The following CLVS1 variants were observed in gnomAD, a reference collection of about 807,000 sequenced individuals.
The protein encoded by CLVS1 is clavesin-1.
CLVS1 carries 10 observed loss-of-function variants against 33.1 expected under a neutral mutation model. The ratio of observed to expected loss-of-function variants is 0.30; its 90% CI spans 0.19 to 0.51. The LOEUF is 0.51. Among genes scored for constraint, CLVS1 ranks in the 20% least tolerant of loss-of-function variants. The pLI is 0.97. For synonymous variants in CLVS1, 163 were observed against 166.1 expected (o/e 0.98, Z 0.14); for missense variants, 343 against 433.4 (o/e 0.79, Z 1.85).
chr8:61,147,143 G>A (rs1267959480), intron 2 of CLVS1, among the ~76,000 whole-genome samples: 2 of 152,200 alleles, frequency 1.3e-5, no homozygotes, highest in African/African-American at 2.4e-5. Context: ...AACAGACTGG[G>A]CATTGAAAGT....
intron 3 of CLVS1, among the ~76,000 whole-genome samples, chr8:61,437,959 C>A (rs1422124020): frequency 2.6e-5 from 4 of 152,118 alleles, no homozygotes; most frequent in Non-Finnish European, 4.4e-5. Flanking sequence ...ATCTGACAGG[C>A]CTGGATTCAA....
At chr8:61,417,737 A>G (rs1426363162) in intron 3 of CLVS1, among the ~76,000 whole-genome samples, 3 of 152,198 alleles carry the variant, frequency 2.0e-5, no homozygotes, top group Non-Finnish European at 4.4e-5. Context: ...AATAAGAGTC[A>G]CCCTTAACCT....
chr8:61,215,805 T>C (rs1808072311), intron 2 of CLVS1, among the ~76,000 whole-genome samples: 1 of 151,724 alleles, frequency 6.6e-6, no homozygotes, highest in Non-Finnish European at 1.5e-5. Flanking sequence ...TAATTGACAA[T>C]AGGAGAGCTT....
chr8:61,022,382 G>A, the CLVS1 span, among the ~76,000 whole-genome samples: 9 of 152,146 alleles, frequency 5.9e-5, no homozygotes, highest in Non-Finnish European at 1.3e-4. Flanking sequence ...TAGCATATTT[G>A]TATCGACAAG....
At chr8:61,116,540 T>C (rs528380948) in intron 1 of CLVS1, among the ~76,000 whole-genome samples, 2 of 152,360 alleles carry the variant, frequency 1.3e-5, no homozygotes, top group East Asian at 1.9e-4. Flanking sequence ...CTTGAATTGA[T>C]TTTTGTATAA....
At chr8:61,050,111 C>A in the CLVS1 span, among the ~76,000 whole-genome samples, 88 of 152,356 alleles carry the variant, frequency 5.8e-4, no homozygotes, top group African/African-American at 2.1e-3. Context: ...TTTAAGCACC[C>A]TTTTACAGCC....
At chr8:61,117,004 C>A (rs1805737558) in intron 1 of CLVS1, among the ~76,000 whole-genome samples, 1 of 141,342 alleles carries the variant, frequency 7.1e-6, no homozygotes, top group African/African-American at 2.7e-5. Context: ...TACCCATGAG[C>A]ATGGAATGTT....
intron 1 of CLVS1, among the ~76,000 whole-genome samples, chr8:61,068,804 C>T (rs188779149): frequency 5.3e-5 from 8 of 152,272 alleles, no homozygotes; most frequent in African/African-American, 1.7e-4. Flanking sequence ...ATCTGCTCCC[C>T]ACACACACAC....
intron 3 of CLVS1, among the ~76,000 whole-genome samples, chr8:61,453,268 A>G (rs1375424956): frequency 1.3e-5 from 2 of 151,974 alleles, no homozygotes; most frequent in Non-Finnish European, 1.5e-5. Context: ...ACCTGGTCTT[A>G]TAAGACTAGC....
chr8:61,425,140 G>T (rs1168654863), intron 3 of CLVS1, among the ~76,000 whole-genome samples: 2 of 152,176 alleles, frequency 1.3e-5, no homozygotes, highest in Admixed American at 1.3e-4. Flanking sequence ...ATAAATGTTT[G>T]TTGGATGAAA....
chr8:61,387,788 G>T (rs1040431422), intron 3 of CLVS1, among the ~76,000 whole-genome samples: 2 of 152,062 alleles, frequency 1.3e-5, no homozygotes, highest in African/African-American at 2.4e-5. Flanking sequence ...TTCCATCCAG[G>T]TTGCTGCTAA....
At chr8:61,154,471 GA>G (rs1472667814) in intron 2 of CLVS1, among the ~76,000 whole-genome samples, 1 of 151,870 alleles carries the variant, frequency 6.6e-6, no homozygotes, top group East Asian at 1.9e-4. Flanking sequence ...GGAGTGGGAA[GA>G]AAAAAATGTT....
chr8:61,487,168 C>A (rs957334886), intron 5 of CLVS1, among the ~76,000 whole-genome samples: 1 of 152,116 alleles, frequency 6.6e-6, no homozygotes, highest in Non-Finnish European at 1.5e-5. Flanking sequence ...GCCCAGGGAC[C>A]ACAGTATGAG....
Position 61,344,875 on chromosome 8 carries a change from A to G in CLVS1, c.456-31730A>G, listed in dbSNP as rs556344113. On this transcript the variant is annotated intron_variant, in intron 2 of 5. Coordinates refer to ENST00000325897, the MANE Select transcript of CLVS1 (RefSeq NM_173519.3). ...TAAATTGAAGTTTTGCAGAAAGCAT[A>G]CTATTTGGGGACTGGCCAGAAAAAA... 4.6e-5 allele frequency among the ~76,000 whole-genome samples: 7 copies of G among 151,938 alleles called. No individual in the cohort carries two copies. The East Asian group carries it at 1.4e-3, about 29-fold the overall frequency.
intron 2 of CLVS1, among the ~76,000 whole-genome samples, chr8:61,138,862 T>G (rs561779387): frequency 6.6e-6 from 1 of 152,362 alleles, no homozygotes; most frequent in South Asian, 2.1e-4. Flanking sequence ...GGTCTGGCCT[T>G]TGTACTACCA....
At chr8:61,441,171 A>G (rs1045043298) in intron 3 of CLVS1, among the ~76,000 whole-genome samples, 3 of 152,174 alleles carry the variant, frequency 2.0e-5, no homozygotes, top group Non-Finnish European at 2.9e-5. Flanking sequence ...TGGGAAATGG[A>G]TGTCATTGGT....
chr8:61,326,699 T>G (rs1811398510), intron 2 of CLVS1, among the ~76,000 whole-genome samples: 1 of 152,190 alleles, frequency 6.6e-6, no homozygotes, highest in Non-Finnish European at 1.5e-5. Flanking sequence ...ATCCTCTTAG[T>G]TTTTGTATTC....
the CLVS1 span, among the ~76,000 whole-genome samples, chr8:60,995,249 T>C: frequency 5.9e-5 from 9 of 152,074 alleles, no homozygotes; most frequent in East Asian, 1.9e-4. Context: ...AGAAAATTTT[T>C]GCAACCTACT....
chr8:61,219,872 T>G (rs2220293), intron 2 of CLVS1, among the ~76,000 whole-genome samples: 24,777 of 152,222 alleles, frequency 0.16, 2,443 homozygotes, highest in Admixed American at 0.25. Flanking sequence ...CTCATTGTGG[T>G]TTTGATTTGC....
Sources: allele counts gnomAD v4.1 joint callset (sites outside exome capture counted in the v4.1 genomes callset), GRCh38; gene constraint gnomAD v4.1.1; transcripts MANE v1.5; gene names NCBI Gene and HGNC (gene_info 2026-07-23, HGNC 2026-07-21).